Variants in BAALC observed in about 807,000 individuals in gnomAD.
BAALC encodes the protein brain and acute leukemia cytoplasmic protein.
In BAALC, 9 loss-of-function variants were observed where a neutral mutation model predicts 15.5. The ratio of observed to expected loss-of-function variants is 0.58; its 90% CI spans 0.35 to 1.02. The LOEUF is 1.02. BAALC is among the 50% of genes least tolerant of loss of function. BAALC has a pLI of 0.02. For synonymous variants in BAALC, 80 were observed against 74.6 expected (o/e 1.07, Z -0.37); for missense variants, 201 against 192.4 (o/e 1.04, Z -0.27).
intron 2 of BAALC, among the ~76,000 whole-genome samples, chr8:103,221,355 G>T (rs550495976): frequency 2.0e-5 from 3 of 152,252 alleles, no homozygotes; most frequent in East Asian, 1.9e-4. Flanking sequence ...AGAGTCAATG[G>T]TGATAAAACT....
At chr8:103,179,077 A>G (rs1006135942) in intron 1 of BAALC, among the ~76,000 whole-genome samples, 3 of 152,198 alleles carry the variant, frequency 2.0e-5, no homozygotes, top group Non-Finnish European at 4.4e-5. Flanking sequence ...TCTCTTCTCT[A>G]TCAGACAGAA....
intron 1 of BAALC, chr8:103,166,236 CTTTG>C (rs1811343536): frequency 6.5e-6 from 1 of 152,752 alleles, no homozygotes; most frequent in Admixed American, 6.6e-5. Flanking sequence ...CTTCTGTAAC[CTTTG>C]TTCCTGCCAG....
At chr8:103,220,142 G>A (rs952906772) in intron 2 of BAALC, among the ~76,000 whole-genome samples, 5 of 152,162 alleles carry the variant, frequency 3.3e-5, no homozygotes, top group Non-Finnish European at 7.3e-5. Flanking sequence ...GAAACTTAAT[G>A]GCGGAGAATT....
At chr8:103,150,634 TCTC>T (rs1405978647) in intron 1 of BAALC, among the ~76,000 whole-genome samples, 4 of 152,208 alleles carry the variant, frequency 2.6e-5, no homozygotes, top group Non-Finnish European at 4.4e-5. Flanking sequence ...GATGCCAGCT[TCTC>T]CTAGATTCTG....
At chr8:103,163,257 T>C (rs1351723635) in intron 1 of BAALC, among the ~76,000 whole-genome samples, 1 of 152,128 alleles carries the variant, frequency 6.6e-6, no homozygotes, top group Admixed American at 6.6e-5. Context: ...TACCCACGTC[T>C]CTTCACGCCC....
At chr8:103,199,547 C>T (rs574145521) in intron 1 of BAALC, among the ~76,000 whole-genome samples, 3 of 151,494 alleles carry the variant, frequency 2.0e-5, no homozygotes, top group African/African-American at 7.3e-5. Context: ...TTGCTTTGAG[C>T]GATTTTAAAA....
chr8:103,151,180 G>A (rs1481597373), intron 1 of BAALC, among the ~76,000 whole-genome samples: 1 of 151,980 alleles, frequency 6.6e-6, no homozygotes, highest in Non-Finnish European at 1.5e-5. Flanking sequence ...ACCACGCCCG[G>A]CTAATTTTTT....
At chr8:103,224,402 A>T (rs1812753791) in intron 2 of BAALC, among the ~76,000 whole-genome samples, 1 of 122,200 alleles carries the variant, frequency 8.2e-6, no homozygotes, top group Non-Finnish European at 1.6e-5. Context: ...TCAGAAAGGC[A>T]GGACAACTCA....
intron 2 of BAALC, among the ~76,000 whole-genome samples, chr8:103,221,698 G>A (rs1056069190): frequency 1.3e-5 from 2 of 152,168 alleles, no homozygotes; most frequent in African/African-American, 4.8e-5. Context: ...CAAACTTCTA[G>A]ATAAAATATC....
rs149332477 is a variant in BAALC at position 103,164,931 on chromosome 8, C to T, written c.160+23874C>T. Among the ~76,000 whole-genome samples the T allele has an allele frequency of 2.9e-3, 436 of 152,162 alleles. 1 individual carries two copies. Among genetic ancestry groups the T allele is most frequent in the African/African-American group, 8.9e-3 (369 of 41,470 alleles). The stretch of plus-strand genomic sequence containing the variant: ...ATTGGGTCTTGCTCATTACCTGTCC[C>T]CTAAAAAGGCTTGCCATTACTGTTG... On this transcript the variant is annotated intron_variant, in intron 1 of 2. Coordinates refer to ENST00000309982, the MANE Select transcript of BAALC (RefSeq NM_024812.3).
intron 1 of BAALC, among the ~76,000 whole-genome samples, chr8:103,204,560 T>C (rs1331769658): frequency 1.3e-5 from 2 of 152,222 alleles, no homozygotes; most frequent in African/African-American, 4.8e-5. Flanking sequence ...AGCCCTTACA[T>C]TTAGATCTTT....
At chr8:103,189,504 G>T (rs1434054618) in intron 1 of BAALC, among the ~76,000 whole-genome samples, 1 of 152,192 alleles carries the variant, frequency 6.6e-6, no homozygotes, top group Non-Finnish European at 1.5e-5. Context: ...AGACAGCCCA[G>T]CTGGGGGGAG....
intron 1 of BAALC, among the ~76,000 whole-genome samples, chr8:103,171,589 A>G (rs1811496183): frequency 6.6e-6 from 1 of 152,124 alleles, no homozygotes; most frequent in South Asian, 2.1e-4. Context: ...TCCTCTAGGG[A>G]CTTTCTGTTT....
intron 1 of BAALC, among the ~76,000 whole-genome samples, chr8:103,212,691 G>C (rs912518216): frequency 6.6e-6 from 1 of 152,280 alleles, no homozygotes; most frequent in South Asian, 2.1e-4. Flanking sequence ...ATAGAAAAAA[G>C]TCATCAAGGT....
intron 1 of BAALC, among the ~76,000 whole-genome samples, chr8:103,193,150 G>A (rs1408027609): frequency 6.6e-6 from 1 of 152,232 alleles, no homozygotes. Flanking sequence ...GTGAGGCATA[G>A]AAAGAGCTTG....
At chr8:103,215,309 A>T (rs572708040) in intron 2 of BAALC, among the ~76,000 whole-genome samples, 19 of 152,354 alleles carry the variant, frequency 1.2e-4, no homozygotes, top group African/African-American at 4.6e-4. Flanking sequence ...AGTTACATGA[A>T]TAAGGCCATA....
rs552071796 is a variant in BAALC at position 103,175,274 on chromosome 8, G to C, written c.160+34217G>C. Among the ~76,000 whole-genome samples, 16 of 152,286 alleles carry C rather than the reference G, an allele frequency of 1.1e-4. No homozygotes were observed. The East Asian group carries it at 3.1e-3, about 29-fold the overall frequency. On this transcript the variant is annotated intron_variant, in intron 1 of 2. Coordinates refer to ENST00000309982, the MANE Select transcript of BAALC (RefSeq NM_024812.3). ...CCTTTATTAACACAATCCTCTAATA[G>C]TGTGAACTACAACAAAAGGCAATAT... is the stretch of plus-strand genomic sequence containing the variant.
chr8:103,205,069 T>C (rs898315862), intron 1 of BAALC, among the ~76,000 whole-genome samples: 2 of 152,244 alleles, frequency 1.3e-5, no homozygotes, highest in Non-Finnish European at 2.9e-5. Flanking sequence ...TTTGGTTTTC[T>C]GTCATTGAGG....
At position 103,167,012 on chromosome 8, in the gene BAALC, C is replaced by T. The variant is rs562137425; in HGVS notation, c.160+25955C>T. ...GAATGATACCTGGGGTGAAATGGAA[C>T]GCTTTGCCTTCATGAGTCTCTTAAG... On this transcript the variant is annotated intron_variant, in intron 1 of 2. Transcript: ENST00000309982. Among the ~76,000 whole-genome samples the T allele has an allele frequency of 5.9e-5, 9 of 152,254 alleles. No individual in the cohort carries two copies. The South Asian group carries it at 6.2e-4, about 11-fold the overall frequency.
Sources: gnomAD v4.1 joint callset for allele counts (sites outside exome capture counted in the v4.1 genomes callset) on GRCh38, gnomAD v4.1.1 for gene constraint, MANE v1.5 for transcripts, NCBI Gene and HGNC (gene_info 2026-07-23, HGNC 2026-07-21) for gene names.